Variants in PHF21A observed in about 807,000 individuals in gnomAD.
PHF21A encodes BHC80a.
PHF21A carries 11 observed loss-of-function variants against 82.5 expected under a neutral mutation model. The observed-to-expected ratio is 0.13, with a 90% CI of 0.08 to 0.22. PHF21A has a LOEUF of 0.22. Ranked by LOEUF, PHF21A falls within the 10% of genes least tolerant of loss-of-function variation. PHF21A has a pLI of 1.00. For missense variants in PHF21A, 579 were observed against 837.8 expected (o/e 0.69, Z 3.81); for synonymous variants, 297 against 302.8 (o/e 0.98, Z 0.20).
chr11:46,013,219 G>A (rs2095445209), intron 6 of PHF21A, among the ~76,000 whole-genome samples: 1 of 152,074 alleles, frequency 6.6e-6, no homozygotes, highest in Non-Finnish European at 1.5e-5. Flanking sequence ...TGAGATGAGT[G>A]GCATAGGCAC....
chr11:45,941,652 G>A (rs2090366080), intron 15 of PHF21A, among the ~76,000 whole-genome samples: 1 of 152,134 alleles, frequency 6.6e-6, no homozygotes, highest in South Asian at 2.1e-4. Flanking sequence ...CCGGCTCTTT[G>A]CCTAAAAAGA....
intron 17 of PHF21A, 127 bp from the exon 18 acceptor site, chr11:45,935,866 G>A: frequency 3.2e-6 from 2 of 617,448 alleles, no homozygotes; most frequent in Non-Finnish European, 2.8e-6. Context: ...CTACAACCCA[G>A]TGCAGAGAAT....
intron 10 of PHF21A, among the ~76,000 whole-genome samples, chr11:45,956,598 G>A (rs145439289): frequency 6.6e-5 from 10 of 152,142 alleles, no homozygotes; most frequent in African/African-American, 1.9e-4. Context: ...TCTAAGCTGG[G>A]GTTAATTCAA....
At position 46,018,182 on chromosome 11, in the gene PHF21A, G is replaced by A. The variant is rs1360058409; in HGVS notation, c.154-38216C>T. Among the ~76,000 whole-genome samples the A allele has an allele frequency of 5.3e-5, 8 of 151,236 alleles. No individual in the cohort carries two copies. The East Asian group carries it at 5.8e-4, about 11-fold the overall frequency. ...GGAGAATGGCGTGAACCCGGGAGGC[G>A]GAGCTTGCAGTGAGCTGAGATTGCG... On this transcript the variant is annotated intron_variant, in intron 6 of 18. Coordinates refer to ENST00000676320, the MANE Select transcript of PHF21A (RefSeq NM_001352027.3).
At chr11:46,022,666 T>C (rs1471505376) in intron 6 of PHF21A, among the ~76,000 whole-genome samples, 2 of 152,156 alleles carry the variant, frequency 1.3e-5, no homozygotes, top group Non-Finnish European at 2.9e-5. Context: ...CTCACTATGT[T>C]ACCCAGGCTG....
chr11:45,934,776 CCTT>C, intron 18 of PHF21A: 2 of 346,148 alleles, frequency 5.8e-6, no homozygotes, highest in South Asian at 2.2e-5. Flanking sequence ...AGCCAGTACA[CCTT>C]CTGCTCAGCC....
intron 6 of PHF21A, among the ~76,000 whole-genome samples, chr11:46,032,885 T>C (rs899871189): frequency 6.6e-6 from 1 of 152,220 alleles, no homozygotes; most frequent in Non-Finnish European, 1.5e-5. Flanking sequence ...CATGTGTGAA[T>C]GTACATATGA....
chr11:46,067,590 AC>A lies in PHF21A; in HGVS notation c.153+9163del, dbSNP rs145616055. Among the ~76,000 whole-genome samples the A allele has an allele frequency of 2.9e-4, 18 of 62,272 alleles. No individual in the cohort carries two copies. In the East Asian group the frequency reaches 0.011, roughly 40 times the overall value. 40.9% of individuals were successfully genotyped at this position (62,272 alleles called of 152,430 possible). On this transcript the variant is annotated intron_variant, in intron 6 of 18. Transcript: ENST00000676320. ...TAGGAAATAATAATAAGAATATTCC[AC>A]CCCCCACAAAAAAAAAAAAAACTGA...
chr11:45,979,491 A>G (rs908840995), intron 7 of PHF21A, among the ~76,000 whole-genome samples: 2 of 152,240 alleles, frequency 1.3e-5, no homozygotes, highest in African/African-American at 4.8e-5. Flanking sequence ...GCTGTAAAGC[A>G]GATAATTGAT....
At chr11:46,022,857 A>G (rs1368372007) in intron 6 of PHF21A, among the ~76,000 whole-genome samples, 2 of 152,004 alleles carry the variant, frequency 1.3e-5, no homozygotes, top group Admixed American at 1.3e-4. Flanking sequence ...ATCTTGGCTC[A>G]CTGCAACCTC....
At chr11:46,084,097 G>T in intron 4 of PHF21A, 69 bp downstream of exon 4, 1 of 1,109,690 alleles carries the variant, frequency 9.0e-7, no homozygotes, top group Non-Finnish European at 1.3e-6. Flanking sequence ...AAACACCAGA[G>T]ATGGACTTGT....
intron 6 of PHF21A, among the ~76,000 whole-genome samples, chr11:46,028,370 C>T (rs2138169373): frequency 6.6e-6 from 1 of 152,094 alleles, no homozygotes; most frequent in South Asian, 2.1e-4. Flanking sequence ...AGCTTACAGG[C>T]AATTCTCACT....
At chr11:45,969,022 G>C (rs1369796020) in intron 9 of PHF21A, among the ~76,000 whole-genome samples, 2 of 150,710 alleles carry the variant, frequency 1.3e-5, no homozygotes, top group Admixed American at 6.6e-5. Context: ...GGATTTATCT[G>C]ATAAACAAAT....
At chr11:46,119,337 C>T (rs895652340) in intron 1 of PHF21A, among the ~76,000 whole-genome samples, 6 of 152,140 alleles carry the variant, frequency 3.9e-5, no homozygotes, top group Non-Finnish European at 8.8e-5. Flanking sequence ...GTGATGAGGC[C>T]CACACATGCC....
At position 46,119,002 on chromosome 11, in the gene PHF21A, TG is replaced by T. The variant is rs1327138961; in HGVS notation, c.-237+1932del. ...ACCAGGCCCTCAATAAAGCTACAGA[TG>T]TTGGTGAGAACTCGCTCAAAAAGGA... On this transcript the variant is annotated intron_variant, in intron 1 of 18. Coordinates refer to ENST00000676320, the MANE Select transcript of PHF21A (RefSeq NM_001352027.3). 2.0e-5 allele frequency among the ~76,000 whole-genome samples: 3 copies of T among 152,224 alleles called. No individual in the cohort carries two copies. The East Asian group carries it at 5.8e-4, about 29-fold the overall frequency.
chr11:45,971,312 T>G lies in PHF21A; in HGVS notation c.416A>C (p.Lys139Thr), dbSNP rs771700814. 4 of 1,614,058 alleles carry G rather than the reference T, an allele frequency of 2.5e-6. No homozygotes were observed. The highest frequency in any genetic ancestry group is 3.4e-6 in the Non-Finnish European group (4 of 1,180,028). ...GGCAGGCATGGTCGCAGTTGCTGCT[T>G]TCAAGACGAGAGGTAGTGTCTTTGT... ...ITTKTLPLVL[K>T]AATATMPASV... Residue 139 changes from lysine (K) to threonine (T), a missense_variant, in exon 8 of 19, where the codon AAA becomes ACA. By Grantham distance (78) the Lys-to-Thr change is moderately conservative (BLOSUM62 -1). This residue lies in a region of PHF21A where 410 missense variants were observed against 642.1 expected (regional missense o/e 0.64). Transcript: ENST00000676320.
intron 1 of PHF21A, among the ~76,000 whole-genome samples, chr11:46,092,846 C>T (rs570353123): frequency 1.9e-4 from 29 of 149,856 alleles, no homozygotes; most frequent in African/African-American, 7.1e-4. Context: ...CAGCCTCAAC[C>T]TCCCAGGCTC....
At chr11:46,071,945 G>C (rs558901403) in intron 6 of PHF21A, among the ~76,000 whole-genome samples, 1 of 152,206 alleles carries the variant, frequency 6.6e-6, no homozygotes, top group African/African-American at 2.4e-5. Flanking sequence ...CAGAGCAAAA[G>C]ATCGGGTGGA....
chr11:45,992,827 T>C (rs1438685702), intron 6 of PHF21A, among the ~76,000 whole-genome samples: 1 of 152,242 alleles, frequency 6.6e-6, no homozygotes, highest in East Asian at 1.9e-4. Flanking sequence ...GTGCCTACTT[T>C]ATCAAAACAG....
Sources: gnomAD v4.1 joint callset for allele counts (sites outside exome capture counted in the v4.1 genomes callset) on GRCh38, gnomAD v4.1.1 for gene constraint, gnomAD v4.1.1 regional missense constraint, MANE v1.5 for transcripts, NCBI Gene and HGNC (gene_info 2026-07-23, HGNC 2026-07-21) for gene names.